Variants in RGL1 observed in about 807,000 individuals in gnomAD.
RGL1 encodes the protein ral guanine nucleotide dissociation stimulator-like 1.
In RGL1, 24 loss-of-function variants were observed where a neutral mutation model predicts 95.2. The observed-to-expected ratio is 0.25, with a 90% CI of 0.18 to 0.35. RGL1 has a LOEUF of 0.35. RGL1 is among the 10% of genes least tolerant of loss of function. RGL1 has a pLI of 1.00. For synonymous variants in RGL1, 329 were observed against 344.9 expected (o/e 0.95, Z 0.51); for missense variants, 715 against 936.3 (o/e 0.76, Z 3.08).
chr1:183,909,580 T>C (rs529254250), intron 14 of RGL1, among the ~76,000 whole-genome samples: 2 of 152,250 alleles, frequency 1.3e-5, no homozygotes, highest in African/African-American at 2.4e-5. Flanking sequence ...CCTGTAATGC[T>C]TGAAGGGTCA....
chr1:183,923,090 C>T (rs913569228), intron 17 of RGL1, among the ~76,000 whole-genome samples: 11 of 152,228 alleles, frequency 7.2e-5, no homozygotes, highest in Non-Finnish European at 1.5e-4. Flanking sequence ...TAGGTCTCTT[C>T]TCCAAGTGCA....
Position 183,756,506 on chromosome 1 carries a change from A to T in RGL1, c.132+14217A>T, listed in dbSNP as rs547415138. ...GTATCCTGTGGGCACTGTGCAGTCA[A>T]TGAAAGGTTTTTGGCAGGCTAGTGA... On this transcript the variant is annotated intron_variant, in intron 2 of 18. Transcript: ENST00000304685. Among the ~76,000 whole-genome samples the T allele has an allele frequency of 3.3e-5, 5 of 152,336 alleles. No individual in the cohort carries two copies. The East Asian group carries it at 9.6e-4, about 29-fold the overall frequency.
intron 2 of RGL1, among the ~76,000 whole-genome samples, chr1:183,762,833 A>G (rs902651172): frequency 5.9e-5 from 9 of 152,196 alleles, no homozygotes; most frequent in Admixed American, 5.9e-4. Flanking sequence ...ACAGTATGGC[A>G]ATTCCTCAAG....
intron 9 of RGL1, among the ~76,000 whole-genome samples, chr1:183,897,528 A>G (rs1274202163): frequency 6.6e-6 from 1 of 151,832 alleles, no homozygotes; most frequent in Non-Finnish European, 1.5e-5. Context: ...CAGCCTTCCC[A>G]GCAGAGTGAG....
chr1:183,787,403 CT>C (rs1461604759), intron 2 of RGL1, among the ~76,000 whole-genome samples: 1 of 152,128 alleles, frequency 6.6e-6, no homozygotes, highest in Non-Finnish European at 1.5e-5. Context: ...TTTTTCCTCT[CT>C]CAAGAGAGAT....
intron 6 of RGL1, 145 bp from the exon 7 acceptor site, chr1:183,884,578 T>A: frequency 1.5e-6 from 1 of 661,274 alleles, no homozygotes. Flanking sequence ...TTTTGTCTGT[T>A]GAAATGGACA....
chr1:183,874,342 C>CT (rs1666361568), intron 4 of RGL1, among the ~76,000 whole-genome samples: 2 of 152,156 alleles, frequency 1.3e-5, no homozygotes, highest in Non-Finnish European at 1.5e-5. Context: ...AAATATTTCT[C>CT]TTAAGTACTT....
At chr1:183,726,594 T>A (rs1002500389) in intron 1 of RGL1, among the ~76,000 whole-genome samples, 2 of 152,148 alleles carry the variant, frequency 1.3e-5, no homozygotes, top group Non-Finnish European at 2.9e-5. Flanking sequence ...AAAACCTGAA[T>A]ATCAATTAAG....
chr1:183,797,829 A>G (rs1213154685), intron 2 of RGL1, among the ~76,000 whole-genome samples: 1 of 152,254 alleles, frequency 6.6e-6, no homozygotes, highest in East Asian at 1.9e-4. Context: ...GTTGATTGGT[A>G]AGCAACACAG....
intron 1 of RGL1, among the ~76,000 whole-genome samples, chr1:183,670,131 G>T (rs1201925445): frequency 5.3e-5 from 8 of 152,038 alleles, no homozygotes; most frequent in Non-Finnish European, 1.0e-4. Flanking sequence ...CTGTTTCTCT[G>T]TCCCTATCTC....
intron 14 of RGL1, among the ~76,000 whole-genome samples, 196 bp downstream of exon 14, chr1:183,907,297 A>G (rs73047599): frequency 0.015 from 2,313 of 152,234 alleles, 71 homozygotes; most frequent in African/African-American, 0.053. Context: ...CTCTGTTGTG[A>G]ATCACCATTC....
At chr1:183,758,228 G>A (rs537915148) in intron 2 of RGL1, among the ~76,000 whole-genome samples, 4 of 147,408 alleles carry the variant, frequency 2.7e-5, no homozygotes, top group African/African-American at 1.0e-4. Context: ...ACGGAGTCTC[G>A]CTCTGTCGCC....
chr1:183,842,367 G>A (rs1301192914), intron 2 of RGL1, among the ~76,000 whole-genome samples: 1 of 151,360 alleles, frequency 6.6e-6, no homozygotes, highest in Non-Finnish European at 1.5e-5. Flanking sequence ...CACCCAACTG[G>A]TTAACAGTTT....
At chr1:183,899,766 T>G (rs1437902715) in intron 10 of RGL1, among the ~76,000 whole-genome samples, 1 of 152,232 alleles carries the variant, frequency 6.6e-6, no homozygotes, top group African/African-American at 2.4e-5. Context: ...TACATACTTC[T>G]CTGTGTACAA....
intron 3 of RGL1, among the ~76,000 whole-genome samples, chr1:183,863,095 C>T (rs1665611369): frequency 6.6e-6 from 1 of 151,962 alleles, no homozygotes. Flanking sequence ...CAGCAGCAGG[C>T]ACAGATTCAG....
intron 5 of RGL1, 56 bp downstream of exon 5, chr1:183,880,856 C>A: frequency 6.6e-7 from 1 of 1,511,984 alleles, no homozygotes; most frequent in Admixed American, 1.8e-5. Context: ...CCAGCCTCCA[C>A]GCTGGAGAAA....
chr1:183,684,710 T>C (rs957726348), intron 1 of RGL1, among the ~76,000 whole-genome samples: 2 of 152,220 alleles, frequency 1.3e-5, no homozygotes, highest in African/African-American at 2.4e-5. Flanking sequence ...CCCAGGGCCC[T>C]GGTGGTGTAG....
chr1:183,919,120 T>C (rs1669165934), intron 16 of RGL1, among the ~76,000 whole-genome samples: 1 of 152,256 alleles, frequency 6.6e-6, no homozygotes, highest in African/African-American at 2.4e-5. Context: ...TTCAAAATGT[T>C]GATTAATTCA....
chr1:183,660,144 A>C (rs1216826599), intron 1 of RGL1, among the ~76,000 whole-genome samples: 2 of 152,226 alleles, frequency 1.3e-5, no homozygotes, highest in Non-Finnish European at 2.9e-5. Context: ...AAGAAACTGC[A>C]TCAACTAACA....
Sources: gnomAD v4.1 joint callset for allele counts (sites outside exome capture counted in the v4.1 genomes callset) on GRCh38, gnomAD v4.1.1 for gene constraint, MANE v1.5 for transcripts, NCBI Gene and HGNC (gene_info 2026-07-23, HGNC 2026-07-21) for gene names.